DLGAP1: variants seen among roughly 807,000 people sequenced by gnomAD.
The protein encoded by DLGAP1 is DLG associated protein 1, also known as disks large-associated protein 1.
A neutral mutation model predicts 90.8 loss-of-function variants in DLGAP1; 11 were observed. The ratio of observed to expected loss-of-function variants is 0.12; its 90% confidence interval spans 0.08 to 0.20. The LOEUF (loss-of-function observed/expected upper bound fraction) is 0.20. Ranked by LOEUF, DLGAP1 falls within the 10% of genes least tolerant of loss-of-function variation. The pLI is 1.00. For missense variants in DLGAP1, 1,050 were observed against 1,333.8 expected, an observed-to-expected ratio of 0.79 and a Z score of 3.31; for synonymous variants, 558 against 540.7, an observed-to-expected ratio of 1.03 and a Z score of -0.44.
chr18:4,274,154 T>C (rs2079354102), intron 1 of DLGAP1, among the ~76,000 whole-genome samples: 1 of 152,236 alleles, frequency 6.6e-6, no homozygotes, highest in East Asian at 1.9e-4. Context: ...CTTACGGTTA[T>C]AACTTTCCCT....
At position 3,775,261 on chromosome 18, in the gene DLGAP1, C is replaced by T. The variant is rs925632583; in HGVS notation, c.1173-32749G>A. On this transcript the variant is annotated intron_variant, in intron 5 of 12. Coordinates refer to ENST00000315677, the MANE Select transcript of DLGAP1 (RefSeq NM_004746.4). The surrounding 1 kb of genome is among the most constrained non-coding windows in gnomAD (Gnocchi z 4.9). ...TTCCATTCCCCTGTGTTATGCACAT[C>T]GATATGGTTTGGCTTTGTGTCCCCA... Among the ~76,000 whole-genome samples the T allele has an allele frequency of 1.3e-5, 2 of 152,178 alleles. No homozygotes were observed. Among genetic ancestry groups the T allele is most frequent in the East Asian group, 1.9e-4 (1 of 5,190 alleles).
At chr18:3,667,313 G>A (rs538011559) in intron 7 of DLGAP1, among the ~76,000 whole-genome samples, 71 of 152,104 alleles carry the variant, frequency 4.7e-4, no homozygotes, top group African/African-American at 1.6e-3. Context: ...TCCTGACCTC[G>A]AACGATCCAC....
chr18:3,709,458 G>A (rs2061535482), intron 7 of DLGAP1, among the ~76,000 whole-genome samples: 1 of 152,198 alleles, frequency 6.6e-6, no homozygotes, highest in Admixed American at 6.5e-5. Context: ...TTGACCTGAA[G>A]TTGAGTTCTC....
At chr18:4,107,985 A>G (rs551925341) in intron 2 of DLGAP1, among the ~76,000 whole-genome samples, 166 of 152,190 alleles carry the variant, frequency 1.1e-3, no homozygotes, top group Non-Finnish European at 2.1e-3. Flanking sequence ...GCCCCTAGGC[A>G]TACTGAGTAA....
rs978868077 is a variant in DLGAP1, at chr18:3,601,632, C to T, written c.1592-19384G>A. On this transcript the variant is annotated intron_variant, in intron 7 of 12. Transcript: ENST00000315677. ...CCGAGGTGGGCCAATCGTTTGAGGT[C>T]GGGAATTTGAGACCAGCCTGACCAA... 4.6e-5 allele frequency among the ~76,000 whole-genome samples: 7 copies of T among 151,706 alleles called. No individual in the cohort carries two copies. In the East Asian group the frequency reaches 5.8e-4, roughly 13 times the overall value.
Position 4,378,103 on chromosome 18 carries a change from A to C in DLGAP1, c.-267+76903T>G, listed in dbSNP as rs2082049981. Among the ~76,000 whole-genome samples the C allele has an allele frequency of 6.7e-6, 1 of 148,454 alleles. No individual in the cohort carries two copies. Among genetic ancestry groups the C allele is most frequent in the African/African-American group, 2.4e-5 (1 of 40,878 alleles). Reference sequence around the variant, plus strand: ...CTTTTCAATCTTTTTTCTAATATATAACATATATTAGAAATATTGTATATA... The same window carrying C: ...CTTTTCAATCTTTTTTCTAATATATCACATATATTAGAAATATTGTATATA... On this transcript the variant is annotated intron_variant, in intron 1 of 12. Transcript: ENST00000315677. The surrounding 1 kb of genome is among the most constrained non-coding windows in gnomAD (Gnocchi z 4.5).
chr18:3,831,066 C>T (rs559145564), intron 4 of DLGAP1, among the ~76,000 whole-genome samples: 5 of 152,192 alleles, frequency 3.3e-5, no homozygotes, highest in African/African-American at 4.8e-5. Context: ...GAACACATCT[C>T]CGTGCACGAA....
intron 3 of DLGAP1, among the ~76,000 whole-genome samples, chr18:3,938,759 T>C (rs2072698674): frequency 6.6e-6 from 1 of 152,026 alleles, no homozygotes; most frequent in African/African-American, 2.4e-5. Flanking sequence ...GTGGGGCCCA[T>C]GGGCCATGGT....
At chr18:3,772,342 C>CTT (rs1258235231) in intron 5 of DLGAP1, among the ~76,000 whole-genome samples, 17 of 81,102 alleles carry the variant, frequency 2.1e-4, no homozygotes, top group East Asian at 6.6e-4. Context: ...TTCTCTCTCT[C>CTT]TCTCTCTTTC....
chr18:3,523,339 C>G (rs748288777), intron 10 of DLGAP1, among the ~76,000 whole-genome samples: 2 of 150,782 alleles, frequency 1.3e-5, no homozygotes. Context: ...ATCACACTAC[C>G]GCACTCCAGC....
intron 1 of DLGAP1, among the ~76,000 whole-genome samples, chr18:4,406,175 T>A (rs1567896556): frequency 2.0e-5 from 3 of 152,134 alleles, no homozygotes; most frequent in African/African-American, 7.2e-5. Context: ...ACAAAGTTAT[T>A]GCCCTATGCA....
At chr18:3,712,359 A>G (rs368592212) in intron 7 of DLGAP1, among the ~76,000 whole-genome samples, 10 of 151,786 alleles carry the variant, frequency 6.6e-5, no homozygotes, top group East Asian at 1.9e-4. Context: ...CTCTGTCCTG[A>G]CCCTCCCTAC....
At chr18:4,289,223 G>C (rs2079785551) in intron 1 of DLGAP1, among the ~76,000 whole-genome samples, 1 of 152,116 alleles carries the variant, frequency 6.6e-6, no homozygotes, top group Non-Finnish European at 1.5e-5. Flanking sequence ...GTTCTTTCTT[G>C]TGTGTTTGTC....
intron 7 of DLGAP1, among the ~76,000 whole-genome samples, chr18:3,616,934 G>A (rs1473801741): frequency 6.6e-6 from 1 of 152,152 alleles, no homozygotes; most frequent in Non-Finnish European, 1.5e-5. Flanking sequence ...CAGCACATAA[G>A]TAGCCCAGCT....
intron 10 of DLGAP1, among the ~76,000 whole-genome samples, chr18:3,527,831 G>A (rs554671044): frequency 3.1e-4 from 47 of 152,140 alleles, no homozygotes; most frequent in Middle Eastern, 3.4e-3. Context: ...GGGCTCAAGC[G>A]ATCCTCATGG....
At chr18:3,692,641 T>C (rs1033460371) in intron 7 of DLGAP1, among the ~76,000 whole-genome samples, 3 of 152,000 alleles carry the variant, frequency 2.0e-5, no homozygotes, top group Non-Finnish European at 2.9e-5. Context: ...GAGATCTGCA[T>C]ATGGCAGCTC....
chr18:3,500,416 C>G (rs1231268857), intron 12 of DLGAP1, among the ~76,000 whole-genome samples: 1 of 152,114 alleles, frequency 6.6e-6, no homozygotes, highest in Non-Finnish European at 1.5e-5. Context: ...TAAAATGAAG[C>G]GTGAACATTA....
rs1403736567 is a variant in DLGAP1 at position 3,879,505 on chromosome 18, G to A, written c.564C>T (p.Arg188=). 3.7e-6 allele frequency: 6 copies of A among 1,603,192 alleles called. No individual in the cohort carries two copies. In the African/African-American group the frequency reaches 4.0e-5, roughly 11 times the overall value. Residue 188 remains arginine, a synonymous_variant, in exon 4 of 13, where the codon CGC becomes CGT. Transcript: ENST00000315677. The surrounding 1 kb of genome is among the most constrained non-coding windows in gnomAD (Gnocchi z 6.6). ...TGCTGGGCCGGGCCTTGGGCTCCGCGCGCCGCTCCTTGCTCTTGCTGCGTT... is the reference window on the plus strand; with the variant it reads ...TGCTGGGCCGGGCCTTGGGCTCCGCACGCCGCTCCTTGCTCTTGCTGCGTT... ...YGKRSKSKER[R]AEPKARPSTS...
intron 1 of DLGAP1, among the ~76,000 whole-genome samples, chr18:4,412,783 C>T (rs879649809): frequency 9.2e-5 from 14 of 152,088 alleles, no homozygotes; most frequent in Admixed American, 8.5e-4. Context: ...GAAGTGAACA[C>T]GATAGAGTAT....
Sources: allele counts gnomAD v4.1 joint callset (sites outside exome capture counted in the v4.1 genomes callset), GRCh38; gene constraint gnomAD v4.1.1; non-coding constraint Gnocchi (gnomAD v3.1); transcripts MANE v1.5; gene names NCBI Gene and HGNC (gene_info 2026-07-23, HGNC 2026-07-21).